EXTL1: variants seen among roughly 807,000 people sequenced by gnomAD.
EXTL1 encodes the protein exostosin like glycosyltransferase 1, also known as exostosin-like 1.
A neutral mutation model predicts 64.6 loss-of-function variants in EXTL1; 43 were observed. The observed-to-expected ratio is 0.67, with a 90% CI of 0.52 to 0.86. The LOEUF is 0.86. Among genes scored for constraint, EXTL1 ranks in the 40% least tolerant of loss-of-function variants. The pLI is 0.00. For synonymous variants in EXTL1, 352 were observed against 360.5 expected, an observed-to-expected ratio of 0.98 and a Z score of 0.27; for missense variants, 766 against 879.0, an observed-to-expected ratio of 0.87 and a Z score of 1.62.
chr1:26,026,225 TGA>T (rs956202283), intron 1 of EXTL1, among the ~76,000 whole-genome samples: 3 of 133,252 alleles, frequency 2.3e-5, no homozygotes, highest in Admixed American at 8.4e-5. Context: ...GGCAGCAGAG[TGA>T]GAGAGACTCT....
chr1:26,031,666 G>C, intron 6 of EXTL1, 100 bp downstream of exon 6: 1 of 588,674 alleles, frequency 1.7e-6, no homozygotes, highest in South Asian at 4.2e-5. Context: ...ACCACTATTT[G>C]AGGGGAGGCA....
chr1:26,035,498 A>AG lies in EXTL1; in HGVS notation c.*157dup, dbSNP rs1403567027. ...CGGACCCCGGTTGGCCAATCACAAC[A>AG]GGGGGGCGTGGCCTTACCTTCTCCT... is the stretch of plus-strand genomic sequence containing the variant. On this transcript the variant is annotated 3_prime_UTR_variant, in exon 11 of 11. Coordinates refer to ENST00000374280, the MANE Select transcript of EXTL1 (RefSeq NM_004455.3). This position sits in a 1 kb window ranked among gnomAD's most constrained non-coding sequence, Gnocchi z 5.3. The AG allele has an allele frequency of 6.2e-6, 4 of 641,196 alleles. No individual in the cohort carries two copies. Among genetic ancestry groups the AG allele is most frequent in the Non-Finnish European group, 1.0e-5 (4 of 384,370 alleles). 39.7% of individuals were successfully genotyped at this position (641,196 alleles called of 1,614,324 possible).
At chr1:26,024,983 G>T (rs1295157157) in intron 1 of EXTL1, among the ~76,000 whole-genome samples, 1 of 152,174 alleles carries the variant, frequency 6.6e-6, no homozygotes, top group African/African-American at 2.4e-5. Flanking sequence ...GCCGGCCACG[G>T]TTTTCTAATT....
At chr1:26,026,582 C>T (rs1010371731) in intron 1 of EXTL1, among the ~76,000 whole-genome samples, 3 of 152,170 alleles carry the variant, frequency 2.0e-5, no homozygotes, top group African/African-American at 7.2e-5. Flanking sequence ...GCATGAGCCA[C>T]GGCGCCCAGC....
At chr1:26,029,544 G>A (rs369454903) in intron 2 of EXTL1, 56 bp from the exon 3 acceptor site, 3 of 1,051,554 alleles carry the variant, frequency 2.9e-6, no homozygotes, top group African/African-American at 1.6e-5. Flanking sequence ...AACTGGGCGG[G>A]GGGTGAGTAT....
intron 3 of EXTL1, among the ~76,000 whole-genome samples, chr1:26,030,210 T>C (rs115956460): frequency 1.4e-3 from 212 of 152,310 alleles, no homozygotes; most frequent in African/African-American, 4.9e-3. Flanking sequence ...ATTTTTTTAA[T>C]TGAGCCTCTA....
Position 26,033,825 on chromosome 1 carries a change from A to C in EXTL1, c.1648A>C (p.Met550Leu), listed in dbSNP as rs554678401. The C allele has an allele frequency of 2.8e-5, 45 of 1,613,940 alleles. No homozygotes were observed. The highest frequency in any genetic ancestry group is 3.4e-5 in the Non-Finnish European group (40 of 1,179,990). The change falls in exon 9 of 11, where the codon ATG (methionine) becomes CTG (leucine). Residue 550 changes from methionine (M) to leucine (L), a missense_variant. Met to Leu is a conservative substitution (Grantham distance 15, BLOSUM62 2). This residue lies in a region of EXTL1 where 194 missense variants were observed against 214.5 expected (regional missense o/e 0.90). Coordinates refer to ENST00000374280, the MANE Select transcript of EXTL1 (RefSeq NM_004455.3). The surrounding 1 kb of genome is among the most constrained non-coding windows in gnomAD (Gnocchi z 5.1). ...YTAERTNEFSMVLTTAAFYHR... is the reference protein window; with the variant it reads ...YTAERTNEFSLVLTTAAFYHR... ...TGCTGAGAGGACCAACGAATTCTCC[A>C]TGGTTCTCACCACAGCCGCCTTCTA...
At position 26,035,384 on chromosome 1, in the gene EXTL1, C is replaced by A; in HGVS notation, c.*37C>A. 6.5e-7 allele frequency: 1 copy of A among 1,547,642 alleles called. No individual in the cohort carries two copies. Among genetic ancestry groups the A allele is most frequent in the South Asian group, 1.2e-5 (1 of 86,094 alleles). On this transcript the variant is annotated 3_prime_UTR_variant, in exon 11 of 11. Coordinates refer to ENST00000374280, the MANE Select transcript of EXTL1 (RefSeq NM_004455.3). The surrounding 1 kb of genome is among the most constrained non-coding windows in gnomAD (Gnocchi z 5.3). ...GCGGAGACCCCAGCAGAGGTCGCAG[C>A]CCAGCTCCCAGGGGGCCCGGCGCCT...
rs928405083 is a variant in EXTL1 at position 26,036,087 on chromosome 1, C to T, written c.*740C>T. ...ACAAGTGGCCTGTCCCCGCACGGCC[C>T]GCGGCTCAGCCTCGGCCGTCTGCCC... On this transcript the variant is annotated 3_prime_UTR_variant, in exon 11 of 11. Coordinates refer to ENST00000374280, the MANE Select transcript of EXTL1 (RefSeq NM_004455.3). This position sits in a 1 kb window ranked among gnomAD's most constrained non-coding sequence, Gnocchi z 5.2. The T allele has an allele frequency of 6.6e-6, 1 of 152,658 alleles. No individual in the cohort carries two copies. Among genetic ancestry groups the T allele is most frequent in the Non-Finnish European group, 1.5e-5 (1 of 68,068 alleles). The allele number at this position is 152,658 out of a possible 1,614,324, so 9.5% of individuals were successfully genotyped here. A position where few individuals can be genotyped will look rare whatever the true frequency, so the allele number is the denominator to read the frequency against.
chr1:26,030,680 T>C, intron 4 of EXTL1, 85 bp downstream of exon 4: 1 of 1,445,818 alleles, frequency 6.9e-7, no homozygotes, highest in South Asian at 1.3e-5. Context: ...GCCACAGTGT[T>C]TGGGGAACCC....
chr1:26,033,851 C>G lies in EXTL1; in HGVS notation c.1674C>G (p.Tyr558Ter). The G allele has an allele frequency of 6.2e-7, 1 of 1,613,356 alleles. No individual in the cohort carries two copies. The highest frequency in any genetic ancestry group is 8.5e-7 in the Non-Finnish European group (1 of 1,179,606). Residue 558 changes from tyrosine to a stop codon, truncating the protein, a stop_gained, in exon 9 of 11, where the codon TAC (tyrosine) becomes TAG (stop). Transcript: ENST00000374280. LOFTEE classifies it high-confidence loss of function. This position sits in a 1 kb window ranked among gnomAD's most constrained non-coding sequence, Gnocchi z 5.1. Reference protein sequence around the residue: ...FSMVLTTAAFYHRYYHTLFTH... With the variant: ...FSMVLTTAAF ...TGGTTCTCACCACAGCCGCCTTCTA[C>G]CATAGGTACAGACCCCTACCCTGCA... is the stretch of plus-strand genomic sequence containing the variant.
chr1:26,031,433 C>A, intron 5 of EXTL1, 27 bp from the exon 6 acceptor site: 2 of 1,438,286 alleles, frequency 1.4e-6, no homozygotes, highest in Non-Finnish European at 1.9e-6. Flanking sequence ...CCCTCCCACT[C>A]TAATAGCCTG....
In EXTL1 at chr1:26,035,055, C is replaced by A. The variant is rs2050324667; in HGVS notation, c.1848+51C>A. On this transcript the variant is annotated intron_variant, in intron 10 of 10. Coordinates refer to ENST00000374280, the MANE Select transcript of EXTL1 (RefSeq NM_004455.3). This position sits in a 1 kb window ranked among gnomAD's most constrained non-coding sequence, Gnocchi z 5.3. ...AACTGGCAGGGATTGGGCGGGGATG[C>A]CGGAGAGGATTCCCTCTCACTGTCT... is the stretch of plus-strand genomic sequence containing the variant. 1.2e-6 allele frequency: 2 copies of A among 1,604,656 alleles called. No homozygotes were observed. Among genetic ancestry groups the A allele is most frequent in the African/African-American group, 2.7e-5 (2 of 74,920 alleles).
rs1040884801 is a variant in EXTL1 at position 26,025,542 on chromosome 1, CCTGTACTT to C, written c.779+2121_779+2128del. Among the ~76,000 whole-genome samples, 3 of 152,200 alleles carry C rather than the reference CCTGTACTT, an allele frequency of 2.0e-5. No homozygotes were observed. Among genetic ancestry groups the C allele is most frequent in the African/African-American group, 4.8e-5 (2 of 41,450 alleles). ...GGAAGCAGTGGAGTTGGGATTCAAC[CCTGTACTT>C]CTGGCTCCAAAGCCCATGTTTTTCC... On this transcript the variant is annotated intron_variant, in intron 1 of 10. Coordinates refer to ENST00000374280, the MANE Select transcript of EXTL1 (RefSeq NM_004455.3). This position sits in a 1 kb window ranked among gnomAD's most constrained non-coding sequence, Gnocchi z 5.3.
chr1:26,033,297 C>T lies in EXTL1; in HGVS notation c.1500C>T (p.Ser500=), dbSNP rs2050308043. ...TDAILSLDAR[S]SLSTSEVDFA... ...CCATCCTCAGCCTCGATGCCCGCAG[C>T]AGTCTTTCCACAAGTGAGGTGAGGG... Residue 500 remains serine (S), a synonymous_variant, in exon 8 of 11, where the codon AGC becomes AGT. Transcript: ENST00000374280. The surrounding 1 kb of genome is among the most constrained non-coding windows in gnomAD (Gnocchi z 5.1). 1.2e-6 allele frequency: 2 copies of T among 1,613,838 alleles called. No homozygotes were observed. The highest frequency in any genetic ancestry group is 1.3e-5 in the African/African-American group (1 of 74,922).
In EXTL1 at chr1:26,029,294, C is replaced by G; in HGVS notation, c.873+8C>G. 1 of 1,610,078 alleles carries G rather than the reference C, an allele frequency of 6.2e-7. No homozygotes were observed. Among genetic ancestry groups the G allele is most frequent in the East Asian group, 2.2e-5 (1 of 44,832 alleles). On this transcript the variant is annotated splice_region_variant and intron_variant, in intron 2 of 10. Coordinates refer to ENST00000374280, the MANE Select transcript of EXTL1 (RefSeq NM_004455.3). ...TTCCTCCAAGCCCTGCAGGTACAAC[C>G]CCAATTTGAGCATCACCCATCCTCT...
intron 1 of EXTL1, among the ~76,000 whole-genome samples, chr1:26,026,162 C>T (rs1017660635): frequency 8.6e-5 from 13 of 150,572 alleles, no homozygotes; most frequent in African/African-American, 3.2e-4. Context: ...TCGCTTGAGC[C>T]CAGGGTGTCA....
At position 26,023,247 on chromosome 1, in the gene EXTL1, C is replaced by T. The variant is rs1333768858; in HGVS notation, c.601C>T (p.Leu201Phe). The stretch of plus-strand genomic sequence containing the variant: ...CGGCTTTGATGTGGCCCTCCCTTTT[C>T]TCCCTGAAGCCCACCCGTTGCGAGG... ...RPGFDVALPFLPEAHPLRGGA... is the reference protein window; with the variant it reads ...RPGFDVALPFFPEAHPLRGGA... The change falls in exon 1 of 11, where the codon CTC becomes TTC. Residue 201 changes from leucine (L) to phenylalanine (F), a missense_variant. By Grantham distance (22) the Leu-to-Phe change is conservative (BLOSUM62 0). Coordinates refer to ENST00000374280, the MANE Select transcript of EXTL1 (RefSeq NM_004455.3). 1.3e-6 allele frequency: 2 copies of T among 1,598,934 alleles called. No homozygotes were observed. Among genetic ancestry groups the T allele is most frequent in the Non-Finnish European group, 8.5e-7 (1 of 1,169,806 alleles).
At position 26,035,509 on chromosome 1, in the gene EXTL1, G is replaced by A. The variant is rs78483642; in HGVS notation, c.*162G>A. 6.0e-4 allele frequency: 338 copies of A among 565,678 alleles called. 2 individuals are homozygous for A. Among genetic ancestry groups the A allele is most frequent in the African/African-American group, 5.3e-3 (279 of 52,968 alleles). The allele number at this position is 565,678 out of a possible 1,614,324, so 35.0% of individuals were successfully genotyped here. ...TGGCCAATCACAACAGGGGGGCGTG[G>A]CCTTACCTTCTCCTGCTCGCCCTCA... On this transcript the variant is annotated 3_prime_UTR_variant, in exon 11 of 11. Coordinates refer to ENST00000374280, the MANE Select transcript of EXTL1 (RefSeq NM_004455.3). The surrounding 1 kb of genome is among the most constrained non-coding windows in gnomAD (Gnocchi z 5.3).
Sources: gnomAD v4.1 joint callset for allele counts (sites outside exome capture counted in the v4.1 genomes callset) on GRCh38, gnomAD v4.1.1 for gene constraint, gnomAD v4.1.1 regional missense constraint, Gnocchi (gnomAD v3.1) non-coding constraint, MANE v1.5 for transcripts, NCBI Gene and HGNC (gene_info 2026-07-23, HGNC 2026-07-21) for gene names.